TANC1: variants seen among roughly 807,000 people sequenced by gnomAD.
The protein encoded by TANC1 is protein TANC1.
A neutral mutation model predicts 149.7 loss-of-function variants in TANC1; 77 were observed. The observed-to-expected ratio is 0.51, with a 90% CI of 0.43 to 0.62. The LOEUF (loss-of-function observed/expected upper bound fraction) is 0.62, where lower values mean the gene tolerates loss of function less well. Among genes scored for constraint, TANC1 ranks in the 20% least tolerant of loss-of-function variants. The pLI, the probability that TANC1 is intolerant of heterozygous loss-of-function variation, is 0.00. For synonymous variants in TANC1, 854 were observed against 925.0 expected, an observed-to-expected ratio of 0.92 and a Z score of 1.39; for missense variants, 1,985 against 2,321.8, an observed-to-expected ratio of 0.85 and a Z score of 2.98.
At chr2:159,174,367 C>T (rs539052245) in intron 11 of TANC1, among the ~76,000 whole-genome samples, 18 of 152,210 alleles carry the variant, frequency 1.2e-4, no homozygotes, top group Admixed American at 2.0e-4. Flanking sequence ...TTGGTGATTT[C>T]GGGTTTCATT....
chr2:159,228,226 G>A (rs1341012800), intron 25 of TANC1: 2 of 446,008 alleles, frequency 4.5e-6, no homozygotes, highest in Non-Finnish European at 8.0e-6. Context: ...AATGCAGTCT[G>A]CTCCTCTGCA....
At chr2:159,211,404 G>A (rs1434650208) in intron 19 of TANC1, among the ~76,000 whole-genome samples, 1 of 152,102 alleles carries the variant, frequency 6.6e-6, no homozygotes, top group Non-Finnish European at 1.5e-5. Context: ...CTCCATCTTT[G>A]TATTTCATTG....
intron 2 of TANC1, among the ~76,000 whole-genome samples, chr2:159,059,647 G>A (rs1186270664): frequency 5.3e-5 from 8 of 152,060 alleles, no homozygotes; most frequent in Admixed American, 1.3e-4. Flanking sequence ...GAGAAGTTCC[G>A]TTAGTTGTTT....
At chr2:159,151,091 G>A (rs2052750834) in intron 7 of TANC1, among the ~76,000 whole-genome samples, 1 of 152,170 alleles carries the variant, frequency 6.6e-6, no homozygotes, top group Admixed American at 6.5e-5. Context: ...CTGAAGCCTA[G>A]GAGTCAGGAG....
At chr2:159,025,439 T>C (rs1022142681) in intron 2 of TANC1, among the ~76,000 whole-genome samples, 1 of 152,106 alleles carries the variant, frequency 6.6e-6, no homozygotes, top group Non-Finnish European at 1.5e-5. Flanking sequence ...CTTTGACCTA[T>C]ATTTTATCCC....
At chr2:158,999,493 T>C (rs529144851) in intron 1 of TANC1, among the ~76,000 whole-genome samples, 1 of 152,318 alleles carries the variant, frequency 6.6e-6, no homozygotes, top group South Asian at 2.1e-4. Flanking sequence ...AAACTTCCCT[T>C]TCTCCTCTTA....
chr2:159,095,792 G>C (rs1040320353), intron 3 of TANC1, among the ~76,000 whole-genome samples: 47 of 149,070 alleles, frequency 3.2e-4, no homozygotes, highest in Admixed American at 5.3e-4. Context: ...TCTCATATAA[G>C]GCATATGTCC....
chr2:159,092,356 T>C (rs2045643125), intron 3 of TANC1, among the ~76,000 whole-genome samples: 1 of 152,232 alleles, frequency 6.6e-6, no homozygotes, highest in African/African-American at 2.4e-5. Flanking sequence ...CTGCACTCTA[T>C]GTACTTTAAT....
rs2056152871 is a variant in TANC1, at chr2:159,178,791, T to A, written c.2138T>A (p.Leu713His). 1 of 1,614,166 alleles carries A rather than the reference T, an allele frequency of 6.2e-7. No homozygotes were observed. Among genetic ancestry groups the A allele is most frequent in the Non-Finnish European group, 8.5e-7 (1 of 1,180,016 alleles). The change falls in exon 14 of 27, where the codon CTT becomes CAT. Residue 713 changes from leucine to histidine, a missense_variant. By Grantham distance (99) the Leu-to-His change is moderately conservative (BLOSUM62 -3). This residue lies in a region of TANC1 where 508 missense variants were observed against 714.2 expected (regional missense o/e 0.71). Coordinates refer to ENST00000263635, the MANE Select transcript of TANC1 (RefSeq NM_033394.3). Reference sequence around the variant, plus strand: ...CTGTACCTCAAGCTCACCCTGGACCTTTTCCAGAGGGGCCACTTGGTCATT... The same window carrying A: ...CTGTACCTCAAGCTCACCCTGGACCATTTCCAGAGGGGCCACTTGGTCATT... ...SYLYLKLTLD[L>H]FQRGHLVIKS...
chr2:159,183,392 C>G (rs2056676379), intron 14 of TANC1, among the ~76,000 whole-genome samples: 1 of 152,168 alleles, frequency 6.6e-6, no homozygotes, highest in Non-Finnish European at 1.5e-5. Context: ...GAAGATCTAG[C>G]ATCACTGATG....
chr2:159,011,326 C>T (rs985868538), intron 2 of TANC1, among the ~76,000 whole-genome samples: 1 of 151,468 alleles, frequency 6.6e-6, no homozygotes, highest in Non-Finnish European at 1.5e-5. Context: ...AGTAAAACAA[C>T]AACAACAACA....
chr2:158,971,897 T>G (rs1427654935), intron 1 of TANC1, among the ~76,000 whole-genome samples: 1 of 152,252 alleles, frequency 6.6e-6, no homozygotes, highest in African/African-American at 2.4e-5. Flanking sequence ...CAGAGTCTTC[T>G]GATTCTCCCT....
intron 2 of TANC1, among the ~76,000 whole-genome samples, chr2:159,011,355 A>G (rs1386997598): frequency 6.6e-6 from 1 of 152,144 alleles, no homozygotes; most frequent in Non-Finnish European, 1.5e-5. Context: ...CCTTTTTTAA[A>G]GATAGTAAGA....
At chr2:159,115,631 G>A (rs147827565) in intron 4 of TANC1, among the ~76,000 whole-genome samples, 147 of 152,192 alleles carry the variant, frequency 9.7e-4, no homozygotes, top group South Asian at 2.1e-3. Context: ...TCTGCCCAAC[G>A]GTCCGGAGAG....
intron 2 of TANC1, among the ~76,000 whole-genome samples, chr2:159,013,208 G>A (rs1467990592): frequency 2.0e-5 from 3 of 152,118 alleles, no homozygotes; most frequent in African/African-American, 7.2e-5. Flanking sequence ...ATGTATTTAG[G>A]GAGGATGAAA....
chr2:159,219,518 G>A lies in TANC1; in HGVS notation c.3502+157G>A, dbSNP rs2059555492. ...AATAGGCAACACAGCCACATGCCTG[G>A]TATTCCTCTTCAGCAGCGATGACCA... On this transcript the variant is annotated intron_variant, in intron 21 of 26. Coordinates refer to ENST00000263635, the MANE Select transcript of TANC1 (RefSeq NM_033394.3). 5 of 1,228,236 alleles carry A rather than the reference G, an allele frequency of 4.1e-6. No homozygotes were observed. In the Admixed American group the frequency reaches 7.8e-5, roughly 19 times the overall value. 76.1% of individuals were successfully genotyped at this position (1,228,236 alleles called of 1,614,324 possible). A position where few individuals can be genotyped will look rare whatever the true frequency, so the allele number is the denominator to read the frequency against.
intron 20 of TANC1, among the ~76,000 whole-genome samples, chr2:159,218,947 A>AGT (rs2059516308): frequency 6.6e-6 from 1 of 152,158 alleles, no homozygotes; most frequent in South Asian, 2.1e-4. Context: ...TTGTCCTTGT[A>AGT]GATAGTGATT....
At chr2:159,046,658 G>A (rs572567865) in intron 2 of TANC1, among the ~76,000 whole-genome samples, 26 of 140,816 alleles carry the variant, frequency 1.8e-4, no homozygotes, top group South Asian at 7.4e-4. Flanking sequence ...AGAGTGCAGC[G>A]GCACAATCTC....
At chr2:159,135,175 C>G (rs1447500622) in intron 4 of TANC1, among the ~76,000 whole-genome samples, 1 of 152,162 alleles carries the variant, frequency 6.6e-6, no homozygotes, top group Non-Finnish European at 1.5e-5. Flanking sequence ...CTATTCTGGG[C>G]ATGACATATG....
Sources: allele counts gnomAD v4.1 joint callset (sites outside exome capture counted in the v4.1 genomes callset), GRCh38; gene constraint gnomAD v4.1.1; regional missense constraint gnomAD v4.1.1; transcripts MANE v1.5; gene names NCBI Gene and HGNC (gene_info 2026-07-23, HGNC 2026-07-21).